RIC1: variants seen among roughly 807,000 people sequenced by gnomAD.
RIC1 encodes guanine nucleotide exchange factor subunit RIC1.
In RIC1, 88 loss-of-function variants were observed where a neutral mutation model predicts 169.0. That is an observed-to-expected ratio of 0.52 (90% CI 0.44 to 0.62). The LOEUF is 0.62. RIC1 is among the 20% of genes least tolerant of loss of function. RIC1 has a pLI of 0.00. For synonymous variants in RIC1, 790 were observed against 601.5 expected, an observed-to-expected ratio of 1.31 and a Z score of -4.59; for missense variants, 1,877 against 1,725.5, an observed-to-expected ratio of 1.09 and a Z score of -1.56.
chr9:5,761,233 C>T (rs1826318611), intron 17 of RIC1, among the ~76,000 whole-genome samples: 1 of 151,440 alleles, frequency 6.6e-6, no homozygotes, highest in Non-Finnish European at 1.5e-5. Context: ...CCTGCCTCAG[C>T]CTCCCAAGTA....
At chr9:5,739,835 A>G (rs1287940657) in intron 8 of RIC1, among the ~76,000 whole-genome samples, 1 of 149,316 alleles carries the variant, frequency 6.7e-6, no homozygotes, top group African/African-American at 2.4e-5. Context: ...CCTCCCACAC[A>G]TCCCCTTTCC....
chr9:5,762,061 C>T (rs1826370430), intron 17 of RIC1, among the ~76,000 whole-genome samples: 1 of 152,146 alleles, frequency 6.6e-6, no homozygotes, highest in African/African-American at 2.4e-5. Context: ...TGTTACCATC[C>T]AGCTTTGTTC....
In RIC1 at chr9:5,773,950, C is replaced by T; in HGVS notation, c.3984-8C>T. On this transcript the variant is annotated splice_region_variant and splice_polypyrimidine_tract_variant and intron_variant, in intron 25 of 25. Transcript: ENST00000414202. ...GCAGATGAGCTAATGTTTTTTTTCT[C>T]TACATAGTCCTGGATATAAGCCATT... 11 of 1,557,160 alleles carry T rather than the reference C, an allele frequency of 7.1e-6. No individual in the cohort carries two copies. The highest frequency in any genetic ancestry group is 4.1e-5 in the African/African-American group (3 of 72,622).
rs1000922817 is a variant in RIC1, at chr9:5,759,918, CTT to C, written c.1992+2468_1992+2469del. ...AAGTTTTCATATTTAAAAAAGGACTCTTATATATCCCAGATAGAGTAGGCAAC... is the reference window on the plus strand; with the variant it reads ...AAGTTTTCATATTTAAAAAAGGACTCATATATCCCAGATAGAGTAGGCAAC... On this transcript the variant is annotated intron_variant, in intron 17 of 25. Transcript: ENST00000414202. Among the ~76,000 whole-genome samples, 9 of 152,210 alleles carry C rather than the reference CTT, an allele frequency of 5.9e-5. No homozygotes were observed. The East Asian group carries it at 1.2e-3, about 20-fold the overall frequency.
intron 14 of RIC1, among the ~76,000 whole-genome samples, chr9:5,754,491 G>A (rs998531532): frequency 1.3e-5 from 2 of 152,186 alleles, no homozygotes; most frequent in African/African-American, 4.8e-5. Context: ...CACTTTGGGA[G>A]GCCGAAGCAG....
intron 1 of RIC1, among the ~76,000 whole-genome samples, chr9:5,642,150 C>G (rs1818282705): frequency 6.9e-6 from 1 of 145,160 alleles, no homozygotes; most frequent in Non-Finnish European, 1.5e-5. Flanking sequence ...GAGGTACTGC[C>G]TTGGTGGTCT....
chr9:5,685,429 T>TA (rs1232828487), intron 2 of RIC1, among the ~76,000 whole-genome samples: 1 of 150,240 alleles, frequency 6.7e-6, no homozygotes, highest in Admixed American at 6.6e-5. Flanking sequence ...AAAACAGAGA[T>TA]ATAGATCAAT....
At chr9:5,701,756 A>G (rs953973453) in intron 3 of RIC1, among the ~76,000 whole-genome samples, 4 of 152,180 alleles carry the variant, frequency 2.6e-5, no homozygotes, top group African/African-American at 9.7e-5. Context: ...TGTCAAATCT[A>G]TTATCTGTTC....
chr9:5,768,071 G>A (rs901736454), intron 21 of RIC1, among the ~76,000 whole-genome samples: 9 of 152,152 alleles, frequency 5.9e-5, no homozygotes, highest in African/African-American at 1.4e-4. Context: ...GCCAAGATCC[G>A]AATCCAGGCA....
chr9:5,678,783 A>G (rs1007085188), intron 2 of RIC1, among the ~76,000 whole-genome samples: 2 of 152,002 alleles, frequency 1.3e-5, no homozygotes, highest in African/African-American at 2.4e-5. Flanking sequence ...ATTTTTTCCC[A>G]TTCTGTAGGT....
chr9:5,681,947 T>G (rs1351597390), intron 2 of RIC1, among the ~76,000 whole-genome samples: 1 of 152,240 alleles, frequency 6.6e-6, no homozygotes, highest in African/African-American at 2.4e-5. Context: ...TTTGTTGGTT[T>G]AAAGTCTGTT....
At chr9:5,693,053 A>T (rs1400625599) in intron 3 of RIC1, among the ~76,000 whole-genome samples, 2 of 152,096 alleles carry the variant, frequency 1.3e-5, no homozygotes, top group East Asian at 3.8e-4. Context: ...AACCCTGTTT[A>T]TGCTCCATCC....
intron 1 of RIC1, among the ~76,000 whole-genome samples, chr9:5,642,097 C>T (rs1591154): frequency 0.32 from 46,164 of 143,806 alleles, 10,716 homozygotes; most frequent in East Asian, 0.62. Context: ...TTCGAAGGGA[C>T]TTGGGCCCCA....
intron 2 of RIC1, among the ~76,000 whole-genome samples, chr9:5,676,536 C>A (rs1041827953): frequency 6.6e-6 from 1 of 152,086 alleles, no homozygotes; most frequent in Admixed American, 6.5e-5. Flanking sequence ...GGTTAAGTAA[C>A]CTGCTCAAGA....
chr9:5,725,526 T>G (rs772789932), intron 6 of RIC1, among the ~76,000 whole-genome samples: 44 of 148,822 alleles, frequency 3.0e-4, no homozygotes, highest in Non-Finnish European at 5.0e-4. Flanking sequence ...ATTCATTGAT[T>G]TTTTTGATGG....
intron 2 of RIC1, among the ~76,000 whole-genome samples, chr9:5,674,148 A>G (rs1245021237): frequency 3.3e-5 from 5 of 152,152 alleles, no homozygotes; most frequent in Non-Finnish European, 7.4e-5. Flanking sequence ...TAAGGACTAC[A>G]TAAAAATTGA....
intron 3 of RIC1, chr9:5,713,082 AT>A (rs1167526860): frequency 1.3e-5 from 2 of 152,198 alleles, no homozygotes; most frequent in African/African-American, 2.4e-5. Context: ...CTTTGTGCAT[AT>A]TTTAATAGTA....
chr9:5,778,347 G>A (rs1034512790), downstream of RIC1, among the ~76,000 whole-genome samples: 80 of 152,292 alleles, frequency 5.3e-4, no homozygotes, highest in African/African-American at 1.9e-3. Context: ...ACCAGAGATA[G>A]TTTGAACTCT....
intron 6 of RIC1, among the ~76,000 whole-genome samples, chr9:5,722,237 C>A (rs1001246856): frequency 2.8e-5 from 4 of 142,018 alleles, no homozygotes; most frequent in East Asian, 2.1e-4. Context: ...TACCACAAAA[C>A]AATTTAATGG....
Sources: allele counts gnomAD v4.1 joint callset (sites outside exome capture counted in the v4.1 genomes callset), GRCh38; gene constraint gnomAD v4.1.1; transcripts MANE v1.5; gene names NCBI Gene and HGNC (gene_info 2026-07-23, HGNC 2026-07-21).